TMCC1: variants seen among roughly 807,000 people sequenced by gnomAD.
TMCC1 encodes transmembrane and coiled-coil domain family 1.
A neutral mutation model predicts 52.4 loss-of-function variants in TMCC1; 15 were observed. The observed-to-expected ratio is 0.29, with a 90% CI of 0.19 to 0.44. The LOEUF is 0.44. Among genes scored for constraint, TMCC1 ranks in the 20% least tolerant of loss-of-function variants. The probability of loss-of-function intolerance (pLI) is 1.00; values close to 1 mark genes in which losing one functional copy is unlikely to be tolerated. For missense variants in TMCC1, 503 were observed against 806.0 expected (o/e 0.62, Z 4.55); for synonymous variants, 279 against 301.9 (o/e 0.92, Z 0.79).
At chr3:129,794,900 C>A (rs986347166) in intron 4 of TMCC1, among the ~76,000 whole-genome samples, 1 of 152,160 alleles carries the variant, frequency 6.6e-6, no homozygotes, top group African/African-American at 2.4e-5. Flanking sequence ...CTTAGGTAAT[C>A]CTTTAAGGTG....
intron 4 of TMCC1, among the ~76,000 whole-genome samples, chr3:129,713,540 T>C (rs1444124029): frequency 4.6e-5 from 7 of 152,000 alleles, no homozygotes; most frequent in Non-Finnish European, 7.4e-5. Flanking sequence ...TCAAATTCTG[T>C]GACCTGGTTC....
chr3:129,856,497 G>T (rs2060152180), intron 2 of TMCC1, among the ~76,000 whole-genome samples: 1 of 152,084 alleles, frequency 6.6e-6, no homozygotes, highest in African/African-American at 2.4e-5. Flanking sequence ...CTACAATTCA[G>T]GTTTTCTAAG....
Position 129,650,519 on chromosome 3 carries a change from G to A in TMCC1, c.*962C>T. ...TCTTACTCAAACTGTTTCAAGACAA[G>A]AGGGAGCAGCACACTTAAATATCCA... On this transcript the variant is annotated 3_prime_UTR_variant, in exon 7 of 7. Transcript: ENST00000393238. 6.6e-6 allele frequency: 1 copy of A among 152,526 alleles called. No individual in the cohort carries two copies. 9.4% of individuals were successfully genotyped at this position (152,526 alleles called of 1,614,324 possible). A position where few individuals can be genotyped will look rare whatever the true frequency, so the allele number is the denominator to read the frequency against.
intron 4 of TMCC1, among the ~76,000 whole-genome samples, chr3:129,803,408 T>C (rs1295675119): frequency 6.6e-6 from 1 of 152,152 alleles, no homozygotes; most frequent in East Asian, 1.9e-4. Flanking sequence ...GCTTGAAAGA[T>C]GAAAAAATTT....
At chr3:129,883,753 T>A (rs1297208045) in intron 1 of TMCC1, among the ~76,000 whole-genome samples, 2 of 152,010 alleles carry the variant, frequency 1.3e-5, no homozygotes, top group Non-Finnish European at 1.5e-5. Context: ...CCAAGAGGGA[T>A]CAATCACTTG....
intron 4 of TMCC1, among the ~76,000 whole-genome samples, chr3:129,705,969 C>T (rs2048202047): frequency 6.7e-6 from 1 of 149,824 alleles, no homozygotes; most frequent in South Asian, 2.1e-4. Context: ...CAGCTCACTG[C>T]CACCTTTGCC....
At chr3:129,835,820 A>G (rs1005216876) in intron 2 of TMCC1, among the ~76,000 whole-genome samples, 3 of 152,218 alleles carry the variant, frequency 2.0e-5, no homozygotes, top group African/African-American at 7.2e-5. Flanking sequence ...TAGAAAGGAG[A>G]AAGAATTAAA....
chr3:129,720,536 C>G (rs756994391), intron 4 of TMCC1, among the ~76,000 whole-genome samples: 21 of 152,214 alleles, frequency 1.4e-4, no homozygotes, highest in South Asian at 6.2e-4. Context: ...TACTACCAGA[C>G]ACATGAGGAA....
At chr3:129,654,382 T>A (rs1056768467) in intron 6 of TMCC1, among the ~76,000 whole-genome samples, 31 of 152,254 alleles carry the variant, frequency 2.0e-4, no homozygotes, top group African/African-American at 7.5e-4. Context: ...ACAAGTTTTC[T>A]GGCCCACTTC....
chr3:129,739,509 AAGATCAT>A (rs560374763), intron 4 of TMCC1, among the ~76,000 whole-genome samples: 150 of 152,348 alleles, frequency 9.8e-4, no homozygotes, highest in African/African-American at 3.4e-3. Context: ...AAGGGCTTAT[AAGATCAT>A]AGTTCAGTGA....
rs2086264066 is a variant in TMCC1 at position 129,650,586 on chromosome 3, G to GA, written c.*894dup. ...AAAACATCACTTCTTTATTTCAAAG[G>GA]AAAAATAAAAGACCCTCCCAACCCT... On this transcript the variant is annotated 3_prime_UTR_variant, in exon 7 of 7. Transcript: ENST00000393238. 6.6e-6 allele frequency: 1 copy of GA among 152,018 alleles called. No individual in the cohort carries two copies. Among genetic ancestry groups the GA allele is most frequent in the Admixed American group, 6.6e-5 (1 of 15,226 alleles). The allele number at this position is 152,018 out of a possible 1,614,324, so 9.4% of individuals were successfully genotyped here.
At chr3:129,827,041 G>A (rs1182470492) in intron 4 of TMCC1, among the ~76,000 whole-genome samples, 2 of 152,240 alleles carry the variant, frequency 1.3e-5, no homozygotes, top group East Asian at 3.9e-4. Context: ...TCAACCATCA[G>A]CTAAAGCTAA....
intron 4 of TMCC1, among the ~76,000 whole-genome samples, chr3:129,752,823 A>G (rs1382525944): frequency 2.6e-5 from 4 of 152,216 alleles, no homozygotes; most frequent in Non-Finnish European, 4.4e-5. Flanking sequence ...CGAAGAAAAG[A>G]GGTTTAAATT....
rs11298293 is a variant in TMCC1, at chr3:129,650,278, CAAAAA to C, written c.*1198_*1202del. The C allele has an allele frequency of 7.6e-5, 10 of 131,586 alleles. No individual in the cohort carries two copies. The highest frequency in any genetic ancestry group is 2.3e-4 in the Admixed American group (3 of 13,264). The allele number at this position is 131,586 out of a possible 1,614,324, so 8.2% of individuals were successfully genotyped here. ...TCACTGGGTGAACGTTTTCTTGGGG[CAAAAA>C]AAAAAAAAAAAAATCCCTATCCTAC... On this transcript the variant is annotated 3_prime_UTR_variant, in exon 7 of 7. Transcript: ENST00000393238.
chr3:129,837,770 G>C (rs1231279766), intron 2 of TMCC1, among the ~76,000 whole-genome samples: 1 of 151,932 alleles, frequency 6.6e-6, no homozygotes, highest in Non-Finnish European at 1.5e-5. Context: ...TAATGAAAGA[G>C]GTAGACAACA....
At chr3:129,765,387 T>A (rs1576754261) in intron 4 of TMCC1, among the ~76,000 whole-genome samples, 1 of 152,212 alleles carries the variant, frequency 6.6e-6, no homozygotes, top group African/African-American at 2.4e-5. Context: ...TTGATATTTT[T>A]AAATATAACA....
chr3:129,683,507 T>G (rs2089175097), intron 4 of TMCC1, among the ~76,000 whole-genome samples: 1 of 152,234 alleles, frequency 6.6e-6, no homozygotes, highest in Non-Finnish European at 1.5e-5. Context: ...TTTGACAGAC[T>G]GTAGTTCTAG....
At position 129,884,928 on chromosome 3, in the gene TMCC1, G is replaced by A. The variant is rs1001976900; in HGVS notation, c.-434-4369C>T. On this transcript the variant is annotated intron_variant, in intron 1 of 6. Transcript: ENST00000393238. ...GCTGAGGCAGGCAGGTTGCTTGAGC[G>A]CAGGATTCAAAACCAGCCTGGGCAA... is the stretch of plus-strand genomic sequence containing the variant. Among the ~76,000 whole-genome samples the A allele has an allele frequency of 1.2e-4, 18 of 151,602 alleles. 1 individual carries two copies. Among genetic ancestry groups the A allele is most frequent in the African/African-American group, 3.4e-4 (14 of 41,242 alleles).
chr3:129,752,435 A>G (rs948133212), intron 4 of TMCC1, among the ~76,000 whole-genome samples: 3 of 152,308 alleles, frequency 2.0e-5, no homozygotes, highest in South Asian at 2.1e-4. Context: ...TAAAGCTTCT[A>G]TTCTGGATTA....
Sources: gnomAD v4.1 joint callset for allele counts (sites outside exome capture counted in the v4.1 genomes callset) on GRCh38, gnomAD v4.1.1 for gene constraint, MANE v1.5 for transcripts, NCBI Gene and HGNC (gene_info 2026-07-23, HGNC 2026-07-21) for gene names.